The following UBR2 variants were observed in gnomAD, a reference collection of about 807,000 sequenced individuals.
UBR2 encodes ubiquitin protein ligase E3 component n-recognin 2, also known as E3 ubiquitin-protein ligase UBR2.
Under a neutral mutation model 247.9 loss-of-function variants are expected in UBR2, and 92 were observed. The ratio of observed to expected loss-of-function variants is 0.37; its 90% CI spans 0.31 to 0.44. The LOEUF (loss-of-function observed/expected upper bound fraction) is 0.44. Among genes scored for constraint, UBR2 ranks in the 20% least tolerant of loss-of-function variants. The pLI is 1.00. For missense variants in UBR2, 1,613 were observed against 2,112.6 expected (o/e 0.76, Z 4.64); for synonymous variants, 672 against 693.5 (o/e 0.97, Z 0.49).
rs753214051 is a variant in UBR2 at position 42,594,320 on chromosome 6, C to T, written c.531+16C>T. 6 of 1,585,558 alleles carry T rather than the reference C, an allele frequency of 3.8e-6. No homozygotes were observed. Among genetic ancestry groups the T allele is most frequent in the Non-Finnish European group, 5.2e-6 (6 of 1,161,744 alleles). ...GGAAGAAGAGGTAAAAACATTTTCACAAAGTTGTTTTTAACCCAAGTTTGA... is the reference window on the plus strand; with the variant it reads ...GGAAGAAGAGGTAAAAACATTTTCATAAAGTTGTTTTTAACCCAAGTTTGA... On this transcript the variant is annotated intron_variant, in intron 4 of 46. Transcript: ENST00000372901.
In UBR2 at chr6:42,676,118, C is replaced by T; in HGVS notation, c.4314C>T (p.Gly1438=). Reference sequence around the variant, plus strand: ...AGGATTTTTCAGGGATCAGCCTTGGCACTGGAGACCTTCACATTTTCCATC... The same window carrying T: ...AGGATTTTTCAGGGATCAGCCTTGGTACTGGAGACCTTCACATTTTCCATC... ...QCQDFSGISL[G]TGDLHIFHLV... Residue 1438 remains glycine (G), a synonymous_variant, in exon 39 of 47, where the codon GGC becomes GGT. Coordinates refer to ENST00000372901, the MANE Select transcript of UBR2 (RefSeq NM_001363705.2). 2 of 1,613,776 alleles carry T rather than the reference C, an allele frequency of 1.2e-6. No individual in the cohort carries two copies. Among genetic ancestry groups the T allele is most frequent in the African/African-American group, 1.3e-5 (1 of 75,022 alleles).
intron 22 of UBR2, 42 bp downstream of exon 22, chr6:42,648,212 C>T (rs2273176): frequency 0.29 from 441,941 of 1,542,866 alleles, 63,923 homozygotes; most frequent in East Asian, 0.33. Context: ...TTTTACTTTT[C>T]CAGTACATTC....
At chr6:42,635,294 T>TACTTCAACTTCTATGTTTTTA (rs1195336367) in intron 13 of UBR2, 124 bp from the exon 14 acceptor site, 1 of 973,018 alleles carries the variant, frequency 1.0e-6, no homozygotes, top group African/African-American at 1.7e-5. Flanking sequence ...AAGTTTCCTG[T>TACTTCAACTTCTATGTTTTTA]TAAAACTTAT....
chr6:42,636,190 T>G (rs1294027638), intron 14 of UBR2, among the ~76,000 whole-genome samples: 1 of 150,224 alleles, frequency 6.7e-6, no homozygotes, highest in Non-Finnish European at 1.5e-5. Context: ...TTGTTTTTTT[T>G]TTTTTTGAGA....
rs1186426387 is a variant in UBR2, at chr6:42,637,056, A to G, written c.1720A>G (p.Met574Val). 4 of 1,613,954 alleles carry G rather than the reference A, an allele frequency of 2.5e-6. No individual in the cohort carries two copies. Among genetic ancestry groups the G allele is most frequent in the Non-Finnish European group, 3.4e-6 (4 of 1,179,976 alleles). Reference sequence around the variant, plus strand: ...TTACAAGAAATGTCTCGCTGTACTGATGCAGTGTCATGGTGGTTATACTGA... The same window carrying G: ...TTACAAGAAATGTCTCGCTGTACTGGTGCAGTGTCATGGTGGTTATACTGA... ...EAYKKCLAVL[M>V]QCHGGYTDGE... Residue 574 changes from methionine (M) to valine (V), a missense_variant, in exon 15 of 47, where the codon ATG becomes GTG. Physicochemically the swap from Met to Val is conservative, Grantham distance 21 (BLOSUM62 1). This residue lies in a region of UBR2 where 1,524 missense variants were observed against 1,967.3 expected (regional missense o/e 0.77). Coordinates refer to ENST00000372901, the MANE Select transcript of UBR2 (RefSeq NM_001363705.2).
chr6:42,685,437 A>G (rs933607696), intron 44 of UBR2, among the ~76,000 whole-genome samples: 2 of 151,936 alleles, frequency 1.3e-5, no homozygotes, highest in African/African-American at 4.8e-5. Context: ...ATGTTTAATA[A>G]TTGCACTTAA....
Position 42,587,223 on chromosome 6 carries a change from A to T in UBR2, c.339-4928A>T, listed in dbSNP as rs531525332. On this transcript the variant is annotated intron_variant, in intron 2 of 46. Coordinates refer to ENST00000372901, the MANE Select transcript of UBR2 (RefSeq NM_001363705.2). ...CAGGAAAAAATATGTATAAGCATTA[A>T]TATTAACCCACATATATCTTGCTCC... is the stretch of plus-strand genomic sequence containing the variant. Among the ~76,000 whole-genome samples, 4 of 152,340 alleles carry T rather than the reference A, an allele frequency of 2.6e-5. No individual in the cohort carries two copies. The South Asian group carries it at 8.3e-4, about 32-fold the overall frequency.
At chr6:42,638,351 C>A (rs2151955494) in intron 15 of UBR2, among the ~76,000 whole-genome samples, 1 of 151,892 alleles carries the variant, frequency 6.6e-6, no homozygotes. Flanking sequence ...ATTCCTCTTT[C>A]ATTCTGAAGG....
chr6:42,574,064 G>C (rs16895843), intron 2 of UBR2, 71 bp downstream of exon 2: 294,229 of 1,410,684 alleles, frequency 0.21, 31,558 homozygotes, highest in African/African-American at 0.25. Context: ...TGGAACTTTT[G>C]AGTTTTTGTT....
chr6:42,606,472 G>A, intron 6 of UBR2, 117 bp from the exon 7 acceptor site: 1 of 894,742 alleles, frequency 1.1e-6, no homozygotes, highest in East Asian at 2.9e-5. Context: ...GATGAGCATT[G>A]TAAATATTGA....
chr6:42,593,537 A>G (rs533032235), intron 3 of UBR2, among the ~76,000 whole-genome samples: 33 of 152,320 alleles, frequency 2.2e-4, no homozygotes, highest in Admixed American at 1.1e-3. Context: ...CAGAATTTCT[A>G]GTCTACCAAT....
intron 26 of UBR2, among the ~76,000 whole-genome samples, chr6:42,657,382 C>T (rs780827169): frequency 6.6e-6 from 1 of 152,170 alleles, no homozygotes; most frequent in East Asian, 1.9e-4. Flanking sequence ...AAACCTCTCC[C>T]TTATCTAGAG....
chr6:42,658,648 T>C lies in UBR2; in HGVS notation c.3066T>C (p.Ser1022=). The C allele has an allele frequency of 6.2e-7, 1 of 1,600,224 alleles. No individual in the cohort carries two copies. The highest frequency in any genetic ancestry group is 8.5e-7 in the Non-Finnish European group (1 of 1,176,094). Residue 1022 remains serine (S), a splice_region_variant and synonymous_variant, in exon 29 of 47, where the codon AGT becomes AGC. Coordinates refer to ENST00000372901, the MANE Select transcript of UBR2 (RefSeq NM_001363705.2). ...AETEGTIMEE[S]SRDKDKAERK... ...AATTGAATGGAGCATAATTTCAGAG[T>C]TCAAGGGACAAAGACAAAGCTGAGA... is the stretch of plus-strand genomic sequence containing the variant.
rs1299280408 is a variant in UBR2, at chr6:42,674,127, A to G, written c.4185A>G (p.Ser1395=). The G allele has an allele frequency of 6.2e-7, 1 of 1,613,244 alleles. No individual in the cohort carries two copies. The highest frequency in any genetic ancestry group is 1.3e-5 in the African/African-American group (1 of 74,932). ...ATGTATTTCTCTTTAAATCTGTAGC[A>G]CTGGTGCCTAATGACAGCCATGAGG... ...VQGHFCKLFA[S]LVPNDSHEEL... The change falls in exon 38 of 47, where the codon TCA becomes TCG. Residue 1395 remains serine (S), a splice_region_variant and synonymous_variant. Coordinates refer to ENST00000372901, the MANE Select transcript of UBR2 (RefSeq NM_001363705.2).
At chr6:42,635,391 A>G in intron 13 of UBR2, 27 bp from the exon 14 acceptor site, 2 of 1,605,830 alleles carry the variant, frequency 1.2e-6, no homozygotes, top group Non-Finnish European at 1.7e-6. Context: ...ATTTTCATTC[A>G]TATATAATTT....
intron 34 of UBR2, among the ~76,000 whole-genome samples, chr6:42,667,415 T>G (rs886422273): frequency 2.0e-5 from 3 of 151,796 alleles, no homozygotes; most frequent in Non-Finnish European, 4.4e-5. Flanking sequence ...TATTTGTCAC[T>G]TCTAGTGTTT....
intron 7 of UBR2, among the ~76,000 whole-genome samples, chr6:42,608,588 C>T (rs893638122): frequency 5.9e-5 from 9 of 152,150 alleles, no homozygotes; most frequent in East Asian, 1.9e-4. Flanking sequence ...TTTGATTACA[C>T]GAGTACACTC....
At chr6:42,607,189 TTC>T (rs1554247815) in intron 7 of UBR2, among the ~76,000 whole-genome samples, 1 of 151,592 alleles carries the variant, frequency 6.6e-6, no homozygotes, top group African/African-American at 2.4e-5. Context: ...TTTTTTTTTT[TTC>T]CGAATAGTCT....
At chr6:42,619,424 TA>T (rs1794765995) in intron 11 of UBR2, 3 of 13,150 alleles carry the variant, frequency 2.3e-4, no homozygotes, top group South Asian at 2.4e-3. Context: ...TATATATATA[TA>T]TATATATATA....
Sources: allele counts gnomAD v4.1 joint callset (sites outside exome capture counted in the v4.1 genomes callset), GRCh38; gene constraint gnomAD v4.1.1; regional missense constraint gnomAD v4.1.1; transcripts MANE v1.5; gene names NCBI Gene and HGNC (gene_info 2026-07-23, HGNC 2026-07-21).